MIA2: variants seen among roughly 807,000 people sequenced by gnomAD.
The protein encoded by MIA2 is melanoma inhibitory activity protein 2.
A neutral mutation model predicts 167.8 loss-of-function variants in MIA2; 127 were observed. The ratio of observed to expected loss-of-function variants is 0.76; its 90% CI spans 0.66 to 0.88. The LOEUF is 0.88. MIA2 is among the 40% of genes least tolerant of loss of function. The pLI, the probability that MIA2 is intolerant of heterozygous loss-of-function variation, is 0.00. For missense variants in MIA2, 1,690 were observed against 1,624.7 expected, an observed-to-expected ratio of 1.04 and a Z score of -0.69; for synonymous variants, 552 against 541.9, an observed-to-expected ratio of 1.02 and a Z score of -0.26.
chr14:39,274,816 T>G (rs989880427), intron 6 of MIA2, among the ~76,000 whole-genome samples: 7 of 150,810 alleles, frequency 4.6e-5, no homozygotes, highest in African/African-American at 1.7e-4. Context: ...TTTTTTTTTT[T>G]GTAATCCCAG....
At chr14:39,349,801 G>A (rs980050577) in intron 28 of MIA2, among the ~76,000 whole-genome samples, 2 of 151,916 alleles carry the variant, frequency 1.3e-5, no homozygotes, top group Non-Finnish European at 1.5e-5. Flanking sequence ...GATAATGAAA[G>A]AAAAAAGTGA....
At position 39,362,654 on chromosome 14, in the gene MIA2, G is replaced by A. The variant is rs1595943250; in HGVS notation, c.2248+13677G>A. On this transcript the variant is annotated intron_variant, in intron 23 of 23. Transcript: ENST00000341502. Reference sequence around the variant, plus strand: ...CCAACTTTTTGCTTCACTAATCTTTGTATTGTTTTTCTAGTCTCTATTTTG... The same window carrying A: ...CCAACTTTTTGCTTCACTAATCTTTATATTGTTTTTCTAGTCTCTATTTTG... Among the ~76,000 whole-genome samples the A allele has an allele frequency of 2.0e-5, 3 of 151,762 alleles. 1 individual carries two copies. In the South Asian group the frequency reaches 6.3e-4, roughly 32 times the overall value.
Position 39,247,037 on chromosome 14 carries a change from T to C in MIA2, c.463T>C (p.Tyr155His), listed in dbSNP as rs144750088. The change falls in exon 4 of 29, where the codon TAT becomes CAT. Residue 155 changes from tyrosine to histidine, a missense_variant. By Grantham distance (83) the Tyr-to-His change is moderately conservative. Coordinates refer to ENST00000640607, the MANE Select transcript of MIA2 (RefSeq NM_001329214.4). ...AGATAAAGATGAAAAATCTAGTATA[T>C]ATGAAAGTGATTTTCAGATAGAACC... ...EEDKDEKSSI[Y>H]ESDFQIEPGF... The C allele has an allele frequency of 5.9e-5, 95 of 1,602,632 alleles. No homozygotes were observed. The highest frequency in any genetic ancestry group is 9.4e-5 in the African/African-American group (7 of 74,184).
At chr14:39,267,071 C>T in intron 6 of MIA2, 2 of 1,073,690 alleles carry the variant, frequency 1.9e-6, no homozygotes, top group Non-Finnish European at 2.3e-6. Flanking sequence ...GAGCAAACGA[C>T]CCGGACACGT....
At chr14:39,349,021 T>C (rs1430286219) in intron 28 of MIA2, 44 bp downstream of exon 28, 4 of 1,568,944 alleles carry the variant, frequency 2.5e-6, no homozygotes, top group Non-Finnish European at 3.5e-6. Context: ...ATATGTGGTT[T>C]ATTAATCGGA....
chr14:39,255,179 T>G (rs1418058971), intron 6 of MIA2, among the ~76,000 whole-genome samples: 2 of 152,148 alleles, frequency 1.3e-5, no homozygotes, highest in African/African-American at 2.4e-5. Flanking sequence ...CTGTATGATT[T>G]GGTGTTGAAG....
exon 24 of MIA2, chr14:39,387,536 T>C (rs2075288655): frequency 6.6e-6 from 1 of 152,272 alleles, no homozygotes. Flanking sequence ...AAAAAAAGTG[T>C]GTTTTTGAGA....
chr14:39,274,513 C>A (rs945529771), intron 6 of MIA2, among the ~76,000 whole-genome samples: 2 of 150,032 alleles, frequency 1.3e-5, no homozygotes, highest in African/African-American at 4.9e-5. Context: ...ACTGTAGCCT[C>A]CTCCCGGGTT....
chr14:39,318,007 C>G lies in MIA2; in HGVS notation c.3280C>G (p.Gln1094Glu). 1 of 1,577,666 alleles carries G rather than the reference C, an allele frequency of 6.3e-7. No homozygotes were observed. The highest frequency in any genetic ancestry group is 8.6e-7 in the Non-Finnish European group (1 of 1,165,430). Residue 1094 changes from glutamine (Q) to glutamate (E), a missense_variant, in exon 22 of 29, where the codon CAA becomes GAA. By Grantham distance (29) the Gln-to-Glu change is conservative (BLOSUM62 2). Transcript: ENST00000640607. ...DLRKENAHNRQKLTETELKFE... is the reference protein window; with the variant it reads ...DLRKENAHNREKLTETELKFE... ...AAGGAAAGAAAATGCTCACAACAGA[C>G]AAAAGTAAGTATCTTAGTGGGAACA...
chr14:39,320,600 A>G (rs1336350276), intron 23 of MIA2, among the ~76,000 whole-genome samples: 1 of 152,190 alleles, frequency 6.6e-6, no homozygotes, highest in African/African-American at 2.4e-5. Flanking sequence ...AACCAAAAAA[A>G]AATCTAACTT....
chr14:39,277,615 T>G (rs2058196440), intron 7 of MIA2, among the ~76,000 whole-genome samples: 1 of 138,572 alleles, frequency 7.2e-6, no homozygotes. Context: ...TCCCAAAGTC[T>G]TGGGATTACA....
intron 25 of MIA2, among the ~76,000 whole-genome samples, chr14:39,327,384 A>AT (rs1314418304): frequency 2.0e-5 from 3 of 152,156 alleles, no homozygotes; most frequent in East Asian, 1.9e-4. Context: ...TCTTTTAGAG[A>AT]TTTTTTTGGG....
intron 10 of MIA2, 60 bp downstream of exon 10, chr14:39,291,156 C>A (rs985201866): frequency 1.4e-6 from 2 of 1,422,808 alleles, no homozygotes; most frequent in Non-Finnish European, 1.9e-6. Flanking sequence ...GTAACAAAAA[C>A]TTTAAAAATG....
intron 6 of MIA2, among the ~76,000 whole-genome samples, chr14:39,259,613 C>T (rs1226876500): frequency 6.6e-6 from 1 of 151,810 alleles, no homozygotes; most frequent in African/African-American, 2.4e-5. Flanking sequence ...TCACTGCAGC[C>T]TCAGCCTGCT....
At chr14:39,378,570 C>T (rs2075090180) in intron 23 of MIA2, among the ~76,000 whole-genome samples, 1 of 152,150 alleles carries the variant, frequency 6.6e-6, no homozygotes, top group Non-Finnish European at 1.5e-5. Context: ...ACACAACTGA[C>T]AAGGAAATTT....
In MIA2 at chr14:39,350,185, G is replaced by C; in HGVS notation, c.4160G>C (p.Arg1387Thr). Residue 1387 changes from arginine to threonine, a missense_variant, in exon 29 of 29, where the codon AGA becomes ACA. Physicochemically the swap from Arg to Thr is moderately conservative, Grantham distance 71 (BLOSUM62 -1). Coordinates refer to ENST00000640607, the MANE Select transcript of MIA2 (RefSeq NM_001329214.4). ...FFPPPPHSEG[R>T]SEFPSGLIPP... ...CCCCCACCCCCACATTCTGAAGGTAGAAGTGAGTTCCCCTCAGGTTTGATT... is the reference window on the plus strand; with the variant it reads ...CCCCCACCCCCACATTCTGAAGGTACAAGTGAGTTCCCCTCAGGTTTGATT... 1 of 1,458,154 alleles carries C rather than the reference G, an allele frequency of 6.9e-7. No homozygotes were observed. Among genetic ancestry groups the C allele is most frequent in the South Asian group, 1.3e-5 (1 of 79,644 alleles). 90.3% of individuals were successfully genotyped at this position (1,458,154 alleles called of 1,614,324 possible).
intron 27 of MIA2, among the ~76,000 whole-genome samples, 188 bp from the exon 28 acceptor site, chr14:39,348,555 T>C (rs552086813): frequency 6.6e-6 from 1 of 152,318 alleles, no homozygotes; most frequent in East Asian, 1.9e-4. Flanking sequence ...CTTAATAAAA[T>C]ATTTATGATA....
At position 39,273,192 on chromosome 14, in the gene MIA2, G is replaced by A. The variant is rs542366692; in HGVS notation, c.1888-3742G>A. Among the ~76,000 whole-genome samples the A allele has an allele frequency of 4.8e-5, 7 of 146,866 alleles. No homozygotes were observed. The South Asian group carries it at 1.3e-3, about 27-fold the overall frequency. On this transcript the variant is annotated intron_variant, in intron 6 of 28. Coordinates refer to ENST00000640607, the MANE Select transcript of MIA2 (RefSeq NM_001329214.4). ...ACCTCCATTACAATGTTGAATACAT[G>A]TTGATAGAGCGGACATTATTGTTCC...
intron 6 of MIA2, among the ~76,000 whole-genome samples, chr14:39,259,789 G>A (rs897477320): frequency 2.0e-5 from 3 of 149,414 alleles, no homozygotes; most frequent in East Asian, 2.0e-4. Flanking sequence ...TACATGTGCC[G>A]TGTTGGTTTG....
Sources: allele counts gnomAD v4.1 joint callset (sites outside exome capture counted in the v4.1 genomes callset), GRCh38; gene constraint gnomAD v4.1.1; transcripts MANE v1.5; gene names NCBI Gene and HGNC (gene_info 2026-07-23, HGNC 2026-07-21).